Variants in GRM8 observed in about 807,000 individuals in gnomAD.
The protein encoded by GRM8 is glutamate metabotropic receptor 8.
GRM8 carries 47 observed loss-of-function variants against 87.2 expected under a neutral mutation model. The observed-to-expected ratio is 0.54, with a 90% CI of 0.43 to 0.69. GRM8 has a LOEUF of 0.69. Among genes scored for constraint, GRM8 ranks in the 30% least tolerant of loss-of-function variants. The pLI is 0.00. For missense variants in GRM8, 1,019 were observed against 1,139.2 expected, an observed-to-expected ratio of 0.89 and a Z score of 1.52; for synonymous variants, 396 against 404.5, an observed-to-expected ratio of 0.98 and a Z score of 0.25.
intron 9 of GRM8, among the ~76,000 whole-genome samples, chr7:126,530,957 C>T (rs13237792): frequency 0.16 from 23,757 of 151,978 alleles, 2,011 homozygotes; most frequent in South Asian, 0.18. Context: ...TATAGGTGCA[C>T]GACACCATGC....
At chr7:127,161,454 A>G (rs1360252095) in intron 2 of GRM8, among the ~76,000 whole-genome samples, 1 of 152,124 alleles carries the variant, frequency 6.6e-6, no homozygotes, top group African/African-American at 2.4e-5. Context: ...CCATCATCCA[A>G]TCACCACCAA....
At chr7:126,775,697 A>G (rs1819390865) in intron 6 of GRM8, among the ~76,000 whole-genome samples, 1 of 152,052 alleles carries the variant, frequency 6.6e-6, no homozygotes, top group Non-Finnish European at 1.5e-5. Flanking sequence ...ACTGACTGAT[A>G]GAAGCAGCTG....
chr7:127,021,422 A>G (rs931337418), intron 3 of GRM8, among the ~76,000 whole-genome samples: 2 of 151,878 alleles, frequency 1.3e-5, no homozygotes, highest in Admixed American at 1.3e-4. Flanking sequence ...GGTAATTTTT[A>G]TTTTTCTAAT....
rs564244721 is a variant in GRM8 at position 126,569,669 on chromosome 7, C to T, written c.1495-35782G>A. Reference sequence around the variant, plus strand: ...CAATAGAAGGGGCCAAGTGGTTTCTCTCAGTAATGTGTGGTAAAGCGTGTC... The same window carrying T: ...CAATAGAAGGGGCCAAGTGGTTTCTTTCAGTAATGTGTGGTAAAGCGTGTC... On this transcript the variant is annotated intron_variant, in intron 8 of 10. Transcript: ENST00000339582. Among the ~76,000 whole-genome samples, 229 of 152,252 alleles carry T rather than the reference C, an allele frequency of 1.5e-3. 3 individuals are homozygous for T. In the South Asian group the frequency reaches 0.044, roughly 29 times the overall value.
At chr7:126,580,151 T>C (rs79289510) in intron 8 of GRM8, among the ~76,000 whole-genome samples, 3,757 of 152,246 alleles carry the variant, frequency 0.025, 143 homozygotes, top group African/African-American at 0.086. Flanking sequence ...TAGACATTGA[T>C]ACAGTTAATC....
chr7:126,656,600 G>A (rs1479645774), intron 7 of GRM8, among the ~76,000 whole-genome samples: 4 of 151,974 alleles, frequency 2.6e-5, no homozygotes, highest in Admixed American at 6.5e-5. Flanking sequence ...CCTGGGAGGC[G>A]GAAGCTGCAG....
intron 3 of GRM8, among the ~76,000 whole-genome samples, chr7:127,015,842 A>G (rs1482053275): frequency 1.3e-5 from 2 of 152,166 alleles, no homozygotes. Flanking sequence ...AACCAGCTGA[A>G]AGAGGAAGAA....
At chr7:126,610,924 C>T (rs3824024) in intron 7 of GRM8, among the ~76,000 whole-genome samples, 46,825 of 152,012 alleles carry the variant, frequency 0.31, 8,088 homozygotes, top group East Asian at 0.43. Flanking sequence ...GCTCTGCTCC[C>T]GGAACTGGAA....
intron 8 of GRM8, among the ~76,000 whole-genome samples, chr7:126,575,066 T>C (rs1794993785): frequency 6.6e-6 from 1 of 152,158 alleles, no homozygotes; most frequent in Non-Finnish European, 1.5e-5. Context: ...ACAGATCCTC[T>C]AGGGCAGGGG....
chr7:127,041,379 T>C (rs1212893201), intron 3 of GRM8, among the ~76,000 whole-genome samples: 1 of 152,204 alleles, frequency 6.6e-6, no homozygotes, highest in Non-Finnish European at 1.5e-5. Flanking sequence ...CCACAAATCA[T>C]CATCACCTCA....
At chr7:126,614,422 G>A (rs1282542051) in intron 7 of GRM8, among the ~76,000 whole-genome samples, 1 of 152,022 alleles carries the variant, frequency 6.6e-6, no homozygotes, top group African/African-American at 2.4e-5. Flanking sequence ...CCACAAAGAT[G>A]GGGAAAAAAC....
chr7:127,133,081 A>C (rs1452195008), intron 2 of GRM8, among the ~76,000 whole-genome samples: 2 of 152,208 alleles, frequency 1.3e-5, no homozygotes, highest in African/African-American at 2.4e-5. Flanking sequence ...GCAAACTATA[A>C]TTGTGCCTGT....
At chr7:126,569,932 C>T (rs1454390892) in intron 8 of GRM8, among the ~76,000 whole-genome samples, 2 of 152,062 alleles carry the variant, frequency 1.3e-5, no homozygotes, top group African/African-American at 2.4e-5. Flanking sequence ...GAGTTATCAA[C>T]GAGGGCTTGA....
intron 2 of GRM8, among the ~76,000 whole-genome samples, chr7:127,179,034 T>C (rs1304263264): frequency 1.3e-5 from 2 of 152,082 alleles, no homozygotes; most frequent in East Asian, 1.9e-4. Context: ...TGAATGTAAA[T>C]GGCCTAAATG....
At chr7:126,631,714 C>T (rs983797223) in intron 7 of GRM8, among the ~76,000 whole-genome samples, 2 of 152,118 alleles carry the variant, frequency 1.3e-5, no homozygotes, top group African/African-American at 4.8e-5. Context: ...AATAGAGACT[C>T]AGAAATAAAA....
At chr7:126,714,846 A>T (rs1811543792) in intron 7 of GRM8, among the ~76,000 whole-genome samples, 1 of 152,106 alleles carries the variant, frequency 6.6e-6, no homozygotes, top group Non-Finnish European at 1.5e-5. Flanking sequence ...ATATAAACAC[A>T]CTCTATTCTT....
chr7:126,477,593 AAGAAAG>A (rs1474225040), intron 9 of GRM8, among the ~76,000 whole-genome samples: 2 of 65,408 alleles, frequency 3.1e-5, no homozygotes, highest in East Asian at 4.4e-4. Flanking sequence ...GAAAGAAAGA[AAGAAAG>A]AAAGAAAGAA....
chr7:126,901,294 C>T (rs1802050658), intron 6 of GRM8, among the ~76,000 whole-genome samples: 1 of 152,216 alleles, frequency 6.6e-6, no homozygotes, highest in African/African-American at 2.4e-5. Context: ...ACTCAGACCA[C>T]ACAGTCTAAT....
At chr7:126,607,795 CCACT>C in intron 8 of GRM8, among the ~76,000 whole-genome samples, 1 of 151,472 alleles carries the variant, frequency 6.6e-6, no homozygotes, top group African/African-American at 2.4e-5. Flanking sequence ...TGCGCTGCAC[CCACT>C]AACTCGTCAT....
Sources: allele counts gnomAD v4.1 joint callset (sites outside exome capture counted in the v4.1 genomes callset), GRCh38; gene constraint gnomAD v4.1.1; transcripts MANE v1.5; gene names NCBI Gene and HGNC (gene_info 2026-07-23, HGNC 2026-07-21).